Variants in ANKRD33B observed in about 807,000 individuals in gnomAD.
ANKRD33B encodes the protein ankyrin repeat domain 33B.
A neutral mutation model predicts 21.5 loss-of-function variants in ANKRD33B; 6 were observed. The observed-to-expected ratio is 0.28, with a 90% CI of 0.15 to 0.55. ANKRD33B has a LOEUF of 0.55. Ranked by LOEUF, ANKRD33B falls within the 20% of genes least tolerant of loss-of-function variation. The pLI is 0.94. For missense variants in ANKRD33B, 698 were observed against 747.2 expected (o/e 0.93, Z 0.77); for synonymous variants, 347 against 342.4 (o/e 1.01, Z -0.15).
chr5:10,632,647 G>A (rs958388139), intron 2 of ANKRD33B, among the ~76,000 whole-genome samples: 3 of 152,202 alleles, frequency 2.0e-5, no homozygotes, highest in African/African-American at 7.2e-5. Context: ...TTCCTGGTGA[G>A]CTCCCCACCA....
chr5:10,602,536 G>C (rs542330187), intron 1 of ANKRD33B, among the ~76,000 whole-genome samples: 5 of 152,306 alleles, frequency 3.3e-5, no homozygotes, highest in African/African-American at 1.2e-4. Context: ...TGAAAACATT[G>C]CCTTGAAAAT....
rs1373791934 is a variant in ANKRD33B, at chr5:10,654,656, TCTG to T, written c.*4544_*4546del. 2 of 152,306 alleles carry T rather than the reference TCTG, an allele frequency of 1.3e-5. No individual in the cohort carries two copies. The highest frequency in any genetic ancestry group is 3.8e-4 in the East Asian group (2 of 5,318). The allele number at this position is 152,306 out of a possible 1,614,324, so 9.4% of individuals were successfully genotyped here. ...GCTTCAGTCCCTCTGAGTTGCCTCTTCTGGATGGAACGTGTGTATCAACAACAA... is the reference window on the plus strand; with the variant it reads ...GCTTCAGTCCCTCTGAGTTGCCTCTTGATGGAACGTGTGTATCAACAACAA... On this transcript the variant is annotated 3_prime_UTR_variant, in exon 4 of 4. Transcript: ENST00000296657.
rs148605860 is a variant in ANKRD33B at position 10,565,518 on chromosome 5, A to C, written c.366+685A>C. ...AGCCGGGGCTCCCCAGAGTCAGGGC[A>C]TAGGGAGAGCCCCAGAGCCGCGGGC... On this transcript the variant is annotated intron_variant, in intron 1 of 3. Transcript: ENST00000296657. 4.8e-3 allele frequency among the ~76,000 whole-genome samples: 729 copies of C among 152,356 alleles called. 3 individuals are homozygous for C. The highest frequency in any genetic ancestry group is 0.017 in the African/African-American group (689 of 41,588).
intron 1 of ANKRD33B, among the ~76,000 whole-genome samples, chr5:10,617,733 G>A (rs1436378161): frequency 6.6e-6 from 1 of 152,090 alleles, no homozygotes. Flanking sequence ...TCCTGGACCC[G>A]GGTTACTCCT....
chr5:10,623,216 G>A (rs1021076384), intron 2 of ANKRD33B, among the ~76,000 whole-genome samples: 6 of 152,132 alleles, frequency 3.9e-5, no homozygotes, highest in African/African-American at 7.2e-5. Flanking sequence ...GTCTCAAAGC[G>A]TCCCCATAGA....
At position 10,573,720 on chromosome 5, in the gene ANKRD33B, A is replaced by T. The variant is rs371660459; in HGVS notation, c.366+8887A>T. Among the ~76,000 whole-genome samples, 3 of 152,036 alleles carry T rather than the reference A, an allele frequency of 2.0e-5. No homozygotes were observed. In the South Asian group the frequency reaches 6.3e-4, roughly 32 times the overall value. ...ATGAGAGAGTGAGAGTGAGGGGGGA[A>T]GTGCCACATTAAAACCATCAGATCT... On this transcript the variant is annotated intron_variant, in intron 1 of 3. Coordinates refer to ENST00000296657, the MANE Select transcript of ANKRD33B (RefSeq NM_001164440.2).
intron 1 of ANKRD33B, among the ~76,000 whole-genome samples, chr5:10,567,672 G>A (rs1315131141): frequency 1.3e-5 from 2 of 152,216 alleles, no homozygotes; most frequent in Non-Finnish European, 2.9e-5. Context: ...CACATTTAGG[G>A]CTGAAATTAT....
rs1737310145 is a variant in ANKRD33B, at chr5:10,650,145, TGGGGCCGGGGC to T, written c.*40_*50del. 5.7e-5 allele frequency: 42 copies of T among 740,616 alleles called. No homozygotes were observed. Among genetic ancestry groups the T allele is most frequent in the Non-Finnish European group, 6.8e-5 (38 of 555,526 alleles). 45.9% of individuals were successfully genotyped at this position (740,616 alleles called of 1,614,324 possible). ...GTGTGCCTGGCGCTGGGGCCGGGGC[TGGGGCCGGGGC>T]GGGGCCGCAGGGCTGGGCGCGGAGA... On this transcript the variant is annotated 3_prime_UTR_variant, in exon 4 of 4. Transcript: ENST00000296657.
intron 1 of ANKRD33B, among the ~76,000 whole-genome samples, chr5:10,602,161 C>G (rs1735948339): frequency 6.6e-6 from 1 of 152,230 alleles, no homozygotes; most frequent in South Asian, 2.1e-4. Flanking sequence ...ACCTCGGTGC[C>G]TGGGTGTAGA....
intron 2 of ANKRD33B, among the ~76,000 whole-genome samples, chr5:10,626,194 G>A (rs1276191747): frequency 2.6e-5 from 4 of 152,226 alleles, no homozygotes; most frequent in Non-Finnish European, 5.9e-5. Context: ...TCATTGGGGC[G>A]GAAACTGGGC....
At chr5:10,618,624 A>G (rs1042723315) in intron 2 of ANKRD33B, among the ~76,000 whole-genome samples, 162 bp downstream of exon 2, 2 of 152,216 alleles carry the variant, frequency 1.3e-5, no homozygotes, top group African/African-American at 4.8e-5. Flanking sequence ...ACCACACGCT[A>G]TGCATTTACC....
chr5:10,644,945 C>T lies in ANKRD33B; in HGVS notation c.638-4321C>T, dbSNP rs115427670. Among the ~76,000 whole-genome samples, 429 of 152,294 alleles carry T rather than the reference C, an allele frequency of 2.8e-3. 3 individuals carry two copies. Among genetic ancestry groups the T allele is most frequent in the Middle Eastern group, 0.02 (6 of 294 alleles). ...AATGTCCACCAATGAGCAGGTTCCT[C>T]TTGTGGGCAGCTGGGACTCAGACCC... On this transcript the variant is annotated intron_variant, in intron 3 of 3. Coordinates refer to ENST00000296657, the MANE Select transcript of ANKRD33B (RefSeq NM_001164440.2).
intron 1 of ANKRD33B, among the ~76,000 whole-genome samples, chr5:10,605,224 T>TTTTA (rs1036922055): frequency 3.9e-5 from 6 of 152,192 alleles, no homozygotes; most frequent in Non-Finnish European, 7.3e-5. Flanking sequence ...CTGCAAGATC[T>TTTTA]TTTAGGATCT....
rs140538786 is a variant in ANKRD33B, at chr5:10,599,092, C to G, written c.367-19241C>G. On this transcript the variant is annotated intron_variant, in intron 1 of 3. Coordinates refer to ENST00000296657, the MANE Select transcript of ANKRD33B (RefSeq NM_001164440.2). The stretch of plus-strand genomic sequence containing the variant: ...TCCCTGTCTCATCAGAGGCAAAGAC[C>G]TGTTGTTCAGATTTCTGTCACCATG... 5.0e-3 allele frequency among the ~76,000 whole-genome samples: 758 copies of G among 152,278 alleles called. 6 individuals carry two copies. Among genetic ancestry groups the G allele is most frequent in the Non-Finnish European group, 4.5e-3 (308 of 68,022 alleles).
In ANKRD33B at chr5:10,565,655, A is replaced by G. The variant is rs200247541; in HGVS notation, c.366+822A>G. 5.3e-5 allele frequency among the ~76,000 whole-genome samples: 8 copies of G among 152,350 alleles called. No individual in the cohort carries two copies. The East Asian group carries it at 1.5e-3, about 29-fold the overall frequency. ...AAAAGAAAAGAAAAGAAAGGAAAAG[A>G]AAAAAAGTTGGCTTAAGAAGACCTG... On this transcript the variant is annotated intron_variant, in intron 1 of 3. Transcript: ENST00000296657.
chr5:10,603,685 G>C (rs1735979653), intron 1 of ANKRD33B, among the ~76,000 whole-genome samples: 1 of 152,128 alleles, frequency 6.6e-6, no homozygotes, highest in Admixed American at 6.5e-5. Context: ...TGAAGGCTTA[G>C]TGCATTTCTC....
intron 1 of ANKRD33B, among the ~76,000 whole-genome samples, chr5:10,612,053 C>T (rs1440739215): frequency 6.6e-6 from 1 of 152,182 alleles, no homozygotes; most frequent in East Asian, 1.9e-4. Context: ...TGGCGCCGGG[C>T]TTGAGGCTGC....
intron 1 of ANKRD33B, among the ~76,000 whole-genome samples, chr5:10,583,885 A>G (rs1170712298): frequency 1.3e-5 from 2 of 152,042 alleles, no homozygotes; most frequent in Admixed American, 1.3e-4. Flanking sequence ...ATTTGACTGT[A>G]TTTTTCTCTT....
intron 1 of ANKRD33B, among the ~76,000 whole-genome samples, chr5:10,595,189 G>A (rs1258603839): frequency 2.0e-5 from 3 of 152,162 alleles, no homozygotes; most frequent in Non-Finnish European, 4.4e-5. Flanking sequence ...AGGAGAGGAG[G>A]GAGGAGGCCA....
Sources: gnomAD v4.1 joint callset for allele counts (sites outside exome capture counted in the v4.1 genomes callset) on GRCh38, gnomAD v4.1.1 for gene constraint, MANE v1.5 for transcripts, NCBI Gene and HGNC (gene_info 2026-07-23, HGNC 2026-07-21) for gene names.